The following DLGAP1 variants were observed in gnomAD, a reference collection of about 807,000 sequenced individuals.
DLGAP1 encodes the protein disks large-associated protein 1.
In DLGAP1, 11 loss-of-function variants were observed where a neutral mutation model predicts 90.8. That is an observed-to-expected ratio of 0.12 (90% confidence interval 0.08 to 0.20). The LOEUF is 0.20. Ranked by LOEUF, DLGAP1 falls within the 10% of genes least tolerant of loss-of-function variation. The pLI is 1.00. For missense variants in DLGAP1, 1,050 were observed against 1,333.8 expected (o/e 0.79, Z 3.31); for synonymous variants, 558 against 540.7 (o/e 1.03, Z -0.44).
intron 8 of DLGAP1, among the ~76,000 whole-genome samples, chr18:3,570,282 T>A (rs774477729): frequency 2.7e-5 from 2 of 74,376 alleles, no homozygotes; most frequent in Non-Finnish European, 5.8e-5. Context: ...TTTTCCTAAA[T>A]TTTTTTTTTT....
At chr18:3,812,542 T>A (rs368127892) in intron 5 of DLGAP1, among the ~76,000 whole-genome samples, 1 of 152,158 alleles carries the variant, frequency 6.6e-6, no homozygotes, top group South Asian at 2.1e-4. Flanking sequence ...GTTCTGATGA[T>A]TCTTGAAAAG....
At chr18:3,799,319 ACAGG>A (rs1274956760) in intron 5 of DLGAP1, among the ~76,000 whole-genome samples, 1 of 152,102 alleles carries the variant, frequency 6.6e-6, no homozygotes, top group Admixed American at 6.6e-5. Context: ...CTGGGACCCT[ACAGG>A]CATGGGTGCT....
chr18:3,553,345 T>C (rs993212562), intron 9 of DLGAP1, among the ~76,000 whole-genome samples: 3 of 152,206 alleles, frequency 2.0e-5, no homozygotes, highest in African/African-American at 7.2e-5. Flanking sequence ...AATATACTTA[T>C]TTATTTGTTC....
intron 7 of DLGAP1, among the ~76,000 whole-genome samples, chr18:3,638,600 A>C (rs1206237018): frequency 6.6e-6 from 1 of 152,134 alleles, no homozygotes; most frequent in African/African-American, 2.4e-5. Flanking sequence ...TCCCTCAGTC[A>C]CATTAATGTA....
chr18:3,801,022 T>C (rs1158102413), intron 5 of DLGAP1, among the ~76,000 whole-genome samples: 4 of 152,130 alleles, frequency 2.6e-5, no homozygotes, highest in Admixed American at 2.0e-4. Context: ...CTTACAATCA[T>C]GGCTGAAGAT....
At chr18:3,513,731 C>G (rs888840668) in intron 10 of DLGAP1, among the ~76,000 whole-genome samples, 6 of 152,174 alleles carry the variant, frequency 3.9e-5, no homozygotes, top group African/African-American at 1.4e-4. Flanking sequence ...CAGAGAACAA[C>G]TATGTTGGCT....
chr18:3,784,133 T>C (rs1037023718), intron 5 of DLGAP1, among the ~76,000 whole-genome samples: 2 of 152,062 alleles, frequency 1.3e-5, no homozygotes, highest in Admixed American at 1.3e-4. Context: ...AAGAAACAAA[T>C]TGTGTTTGTG....
chr18:4,412,302 C>T (rs1172018793), intron 1 of DLGAP1, among the ~76,000 whole-genome samples: 3 of 152,166 alleles, frequency 2.0e-5, no homozygotes, highest in African/African-American at 7.2e-5. Context: ...TGGGCCTAAA[C>T]AAGTACCCCA....
At chr18:3,507,873 A>C (rs1340208737) in intron 11 of DLGAP1, among the ~76,000 whole-genome samples, 2 of 149,002 alleles carry the variant, frequency 1.3e-5, no homozygotes, top group African/African-American at 4.9e-5. Flanking sequence ...AGTAGCTGGG[A>C]TTATAGGCAC....
intron 2 of DLGAP1, among the ~76,000 whole-genome samples, chr18:4,088,007 CTGT>C (rs2075712163): frequency 1.1e-5 from 1 of 94,282 alleles, no homozygotes; most frequent in African/African-American, 3.9e-5. Context: ...CCCTCTTTTT[CTGT>C]TTTTTTAATT....
chr18:4,042,288 T>TC (rs769593870), intron 2 of DLGAP1, among the ~76,000 whole-genome samples: 1 of 152,220 alleles, frequency 6.6e-6, no homozygotes, highest in Non-Finnish European at 1.5e-5. Context: ...TCTTTTTCAT[T>TC]CCCCATCAAA....
At chr18:4,408,330 A>G (rs1485584009) in intron 1 of DLGAP1, among the ~76,000 whole-genome samples, 1 of 152,166 alleles carries the variant, frequency 6.6e-6, no homozygotes, top group Non-Finnish European at 1.5e-5. Context: ...ATACCATAAA[A>G]AGCACAGAAC....
chr18:4,425,541 T>C (rs548244868), intron 1 of DLGAP1, among the ~76,000 whole-genome samples: 1 of 152,314 alleles, frequency 6.6e-6, no homozygotes, highest in South Asian at 2.1e-4. Context: ...TTTAGTCAGT[T>C]CCCCGGACAG....
At chr18:4,420,633 T>C (rs1374375072) in intron 1 of DLGAP1, among the ~76,000 whole-genome samples, 1 of 152,162 alleles carries the variant, frequency 6.6e-6, no homozygotes, top group East Asian at 1.9e-4. Context: ...AAGGATTTAG[T>C]TATTGCTATG....
At chr18:3,768,459 T>C (rs2064359334) in intron 5 of DLGAP1, among the ~76,000 whole-genome samples, 1 of 152,088 alleles carries the variant, frequency 6.6e-6, no homozygotes, top group Non-Finnish European at 1.5e-5. Context: ...TTTTAAAAAT[T>C]TGTATGGAAA....
chr18:3,700,434 C>T (rs546506282), intron 7 of DLGAP1, among the ~76,000 whole-genome samples: 3 of 152,078 alleles, frequency 2.0e-5, no homozygotes, highest in Non-Finnish European at 2.9e-5. Context: ...TGCTTCAGCT[C>T]GCCCTCTGTG....
chr18:4,212,573 G>T (rs936539226), intron 1 of DLGAP1, among the ~76,000 whole-genome samples: 3 of 149,430 alleles, frequency 2.0e-5, no homozygotes, highest in African/African-American at 4.9e-5. Flanking sequence ...TTGGGAGGCT[G>T]AGGCAGGAGA....
chr18:3,591,768 A>G (rs77673429), intron 7 of DLGAP1, among the ~76,000 whole-genome samples: 361 of 152,222 alleles, frequency 2.4e-3, no homozygotes, highest in South Asian at 5.0e-3. Context: ...GGGGTTTTCA[A>G]TTATTTGGAG....
rs866671502 is a variant in DLGAP1 at position 3,600,857 on chromosome 18, T to G, written c.1592-18609A>C. Among the ~76,000 whole-genome samples the G allele has an allele frequency of 1.5e-3, 109 of 73,560 alleles. 5 individuals are homozygous for G. Among genetic ancestry groups the G allele is most frequent in the African/African-American group, 4.6e-3 (67 of 14,470 alleles). 48.3% of individuals were successfully genotyped at this position (73,560 alleles called of 152,430 possible). A position where few individuals can be genotyped will look rare whatever the true frequency, so the allele number is the denominator to read the frequency against. The stretch of plus-strand genomic sequence containing the variant: ...ATATAGATATATATAGATATATAGA[T>G]ATATATAGATATATAGATATATAGA... On this transcript the variant is annotated intron_variant, in intron 7 of 12. Transcript: ENST00000315677.
Sources: allele counts gnomAD v4.1 joint callset (sites outside exome capture counted in the v4.1 genomes callset), GRCh38; gene constraint gnomAD v4.1.1; transcripts MANE v1.5; gene names NCBI Gene and HGNC (gene_info 2026-07-23, HGNC 2026-07-21).